FAM193A: variants seen among roughly 807,000 people sequenced by gnomAD.
The protein encoded by FAM193A is protein FAM193A.
In FAM193A, 22 loss-of-function variants were observed where a neutral mutation model predicts 126.5. That is an observed-to-expected ratio of 0.17 (90% confidence interval 0.12 to 0.25). The LOEUF (loss-of-function observed/expected upper bound fraction) is 0.25, where lower values mean the gene tolerates loss of function less well. FAM193A is among the 10% of genes least tolerant of loss of function. FAM193A has a pLI of 1.00. For synonymous variants in FAM193A, 761 were observed against 646.8 expected (o/e 1.18, Z -2.68); for missense variants, 1,675 against 1,672.8 (o/e 1.00, Z -0.02).
At position 2,569,757 on chromosome 4, in the gene FAM193A, G is replaced by A. The variant is rs146490605; in HGVS notation, c.256-26327G>A. Among the ~76,000 whole-genome samples the A allele has an allele frequency of 2.6e-3, 393 of 152,078 alleles. 3 individuals are homozygous for A. The highest frequency in any genetic ancestry group is 8.6e-3 in the African/African-American group (357 of 41,468). ...TGGGCTCAAGTGATCCTCCTGCCTC[G>A]GCCTCCCAAAGTGTTAGAATTATGA... On this transcript the variant is annotated intron_variant, in intron 1 of 20. Transcript: ENST00000637812.
At chr4:2,584,389 G>T (rs1253208041) in intron 1 of FAM193A, among the ~76,000 whole-genome samples, 1 of 147,310 alleles carries the variant, frequency 6.8e-6, no homozygotes, top group Non-Finnish European at 1.5e-5. Context: ...TTGTGCCACT[G>T]CACTCCAGCC....
chr4:2,716,998 T>A (rs1206373087), intron 20 of FAM193A, among the ~76,000 whole-genome samples: 1 of 148,332 alleles, frequency 6.7e-6, no homozygotes, highest in Admixed American at 6.7e-5. Context: ...TTTTTTTATT[T>A]TTTGAGACAG....
chr4:2,639,883 G>A (rs1160444160), intron 6 of FAM193A, 24 bp downstream of exon 6: 1 of 1,606,822 alleles, frequency 6.2e-7, no homozygotes, highest in Admixed American at 1.7e-5. Flanking sequence ...ACCCGTATGT[G>A]TCTTTGTGGT....
chr4:2,611,569 C>T lies in FAM193A; in HGVS notation c.502-13693C>T, dbSNP rs547895514. On this transcript the variant is annotated intron_variant, in intron 2 of 20. Transcript: ENST00000637812. ...GATTACAGGCGTGAGCCACCACGCCCGGCTTAATCTGCATTTTCTTAACGA... is the reference window on the plus strand; with the variant it reads ...GATTACAGGCGTGAGCCACCACGCCTGGCTTAATCTGCATTTTCTTAACGA... Among the ~76,000 whole-genome samples, 355 of 152,268 alleles carry T rather than the reference C, an allele frequency of 2.3e-3. 2 individuals carry two copies. Among genetic ancestry groups the T allele is most frequent in the South Asian group, 4.4e-3 (21 of 4,820 alleles).
chr4:2,564,528 A>T (rs1248807092), intron 1 of FAM193A, among the ~76,000 whole-genome samples: 2 of 152,178 alleles, frequency 1.3e-5, no homozygotes, highest in African/African-American at 4.8e-5. Context: ...AATATTGGAG[A>T]CAAAATAGCC....
intron 7 of FAM193A, among the ~76,000 whole-genome samples, chr4:2,648,306 A>T (rs1488886725): frequency 6.6e-6 from 1 of 151,842 alleles, no homozygotes; most frequent in East Asian, 1.9e-4. Flanking sequence ...CTCTCCCATG[A>T]CTCTGCGCCT....
intron 20 of FAM193A, among the ~76,000 whole-genome samples, chr4:2,727,712 T>C (rs1284050829): frequency 6.6e-6 from 1 of 152,222 alleles, no homozygotes; most frequent in African/African-American, 2.4e-5. Context: ...TCTCTACCTC[T>C]CCTTTGTTTG....
intron 12 of FAM193A, 94 bp from the exon 13 acceptor site, chr4:2,672,027 T>A (rs1713855354): frequency 7.1e-7 from 1 of 1,399,722 alleles, no homozygotes; most frequent in Non-Finnish European, 9.9e-7. Flanking sequence ...TACCTTTGTA[T>A]TTGCTTTGTA....
Position 2,646,855 on chromosome 4 carries a change from G to A in FAM193A, c.1311+23G>A, listed in dbSNP as rs371237982. ...CAGGTGAGTGCCACCCGGGACCACC[G>A]CACCCCGCGCACATCCTCAGACGGC... On this transcript the variant is annotated intron_variant, in intron 7 of 20. Transcript: ENST00000637812. 1.6e-5 allele frequency: 25 copies of A among 1,595,378 alleles called. No homozygotes were observed. The East Asian group carries it at 2.5e-4, about 16-fold the overall frequency.
chr4:2,654,925 C>G (rs984521225), intron 7 of FAM193A: 20 of 465,286 alleles, frequency 4.3e-5, no homozygotes, highest in Middle Eastern at 5.8e-4. Context: ...CGCCAGATGC[C>G]GGCATTAACT....
intron 20 of FAM193A, among the ~76,000 whole-genome samples, chr4:2,727,785 G>T (rs1720918384): frequency 6.6e-6 from 1 of 152,114 alleles, no homozygotes; most frequent in Non-Finnish European, 1.5e-5. Context: ...CACAGATGGT[G>T]CCAGTGGGGC....
At chr4:2,709,122 G>A (rs1560599181) in intron 19 of FAM193A, among the ~76,000 whole-genome samples, 1 of 152,100 alleles carries the variant, frequency 6.6e-6, no homozygotes, top group Non-Finnish European at 1.5e-5. Context: ...GGTGTTATGG[G>A]TGTTAAACTT....
At chr4:2,663,702 C>T (rs989653917) in intron 12 of FAM193A, among the ~76,000 whole-genome samples, 1 of 152,206 alleles carries the variant, frequency 6.6e-6, no homozygotes. Flanking sequence ...CGCAGTGGCT[C>T]ACGCCTGTAA....
intron 2 of FAM193A, among the ~76,000 whole-genome samples, chr4:2,599,517 T>G (rs374401852): frequency 6.6e-6 from 1 of 152,210 alleles, no homozygotes; most frequent in Non-Finnish European, 1.5e-5. Context: ...CATTCTGTTA[T>G]CAGCAGTTGT....
At chr4:2,658,022 C>A (rs1241082033) in intron 8 of FAM193A, 142 bp downstream of exon 8, 2 of 651,858 alleles carry the variant, frequency 3.1e-6, no homozygotes, top group South Asian at 3.9e-5. Flanking sequence ...AAAAACTGTT[C>A]AAGATGGTGT....
intron 1 of FAM193A, among the ~76,000 whole-genome samples, chr4:2,541,592 C>T (rs897490408): frequency 3.4e-5 from 5 of 149,036 alleles, no homozygotes; most frequent in East Asian, 2.1e-4. Context: ...ACTACAGGCG[C>T]GTGCCACCAC....
intron 13 of FAM193A, among the ~76,000 whole-genome samples, chr4:2,686,249 G>A (rs1411637042): frequency 2.0e-5 from 3 of 152,202 alleles, no homozygotes; most frequent in Non-Finnish European, 4.4e-5. Flanking sequence ...TGAATAGTGT[G>A]TAAATCAAAT....
intron 1 of FAM193A, among the ~76,000 whole-genome samples, chr4:2,561,900 C>T (rs1738639079): frequency 6.6e-6 from 1 of 152,176 alleles, no homozygotes; most frequent in Non-Finnish European, 1.5e-5. Context: ...ATAGCTGTGG[C>T]TTGTGAACTC....
chr4:2,701,077 C>G (rs9683585), intron 19 of FAM193A, among the ~76,000 whole-genome samples: 71,413 of 151,618 alleles, frequency 0.47, 17,312 homozygotes, highest in Admixed American at 0.59. Context: ...CCCTCTCTCT[C>G]TTATTTTTCT....
Sources: allele counts gnomAD v4.1 joint callset (sites outside exome capture counted in the v4.1 genomes callset), GRCh38; gene constraint gnomAD v4.1.1; transcripts MANE v1.5; gene names NCBI Gene and HGNC (gene_info 2026-07-23, HGNC 2026-07-21).